The following CGNL1 variants were observed in gnomAD, a reference collection of about 807,000 sequenced individuals.
CGNL1 encodes the protein cingulin-like protein 1.
In CGNL1, 132 loss-of-function variants were observed where a neutral mutation model predicts 141.2. The ratio of observed to expected loss-of-function variants is 0.93; its 90% CI spans 0.81 to 1.08. The LOEUF (loss-of-function observed/expected upper bound fraction) is 1.08. CGNL1 is among the 50% of genes least tolerant of loss of function. CGNL1 has a pLI of 0.00. For synonymous variants in CGNL1, 690 were observed against 622.1 expected (o/e 1.11, Z -1.63); for missense variants, 1,870 against 1,588.6 (o/e 1.18, Z -3.01).
At chr15:57,468,830 C>G (rs538541089) in intron 8 of CGNL1, among the ~76,000 whole-genome samples, 2 of 152,274 alleles carry the variant, frequency 1.3e-5, no homozygotes, top group East Asian at 3.9e-4. Context: ...CCATACTGTT[C>G]TCATGGTAGT....
intron 1 of CGNL1, among the ~76,000 whole-genome samples, chr15:57,403,801 G>A (rs1408554672): frequency 2.6e-5 from 4 of 152,194 alleles, no homozygotes; most frequent in South Asian, 2.1e-4. Context: ...TTTAATGGCC[G>A]TGTCTAGAGA....
chr15:57,388,610 T>C (rs1316367681), intron 1 of CGNL1, among the ~76,000 whole-genome samples: 1 of 152,264 alleles, frequency 6.6e-6, no homozygotes, highest in Non-Finnish European at 1.5e-5. Flanking sequence ...GTTAGAATCA[T>C]AGAAATGCTT....
chr15:57,494,716 T>A (rs185466686), intron 8 of CGNL1, among the ~76,000 whole-genome samples: 7 of 152,332 alleles, frequency 4.6e-5, no homozygotes, highest in Admixed American at 4.6e-4. Context: ...ATTATGGCTT[T>A]CTGTTCATTC....
chr15:57,447,285 T>C (rs140263903), intron 4 of CGNL1, among the ~76,000 whole-genome samples: 5 of 152,370 alleles, frequency 3.3e-5, no homozygotes, highest in Middle Eastern at 3.4e-3. Flanking sequence ...CTTCTGTGTT[T>C]CCATCTCGGA....
At position 57,439,342 on chromosome 15, in the gene CGNL1, A is replaced by G; in HGVS notation, c.1343A>G (p.Gln448Arg). 4 of 1,614,154 alleles carry G rather than the reference A, an allele frequency of 2.5e-6. No individual in the cohort carries two copies. Among genetic ancestry groups the G allele is most frequent in the Non-Finnish European group, 2.5e-6 (3 of 1,180,040 alleles). The change falls in exon 2 of 19, where the codon CAG becomes CGG. Residue 448 changes from glutamine to arginine, a missense_variant. By Grantham distance (43) the Gln-to-Arg change is conservative (BLOSUM62 1). Transcript: ENST00000281282. ...QSVGRTFAKLQGAAHGASCAH... is the reference protein window; with the variant it reads ...QSVGRTFAKLRGAAHGASCAH... ...GTGGGCCGCACCTTTGCAAAGCTGC[A>G]GGGAGCAGCGCACGGGGCTTCATGT...
intron 7 of CGNL1, among the ~76,000 whole-genome samples, chr15:57,454,435 C>CT (rs1471357199): frequency 1.3e-5 from 2 of 152,200 alleles, no homozygotes; most frequent in African/African-American, 4.8e-5. Flanking sequence ...TCTGAAGTCC[C>CT]TGGAACACTC....
rs2033023708 is a variant in CGNL1 at position 57,549,606 on chromosome 15, A to T, written c.*2116A>T. 1 of 152,160 alleles carries T rather than the reference A, an allele frequency of 6.6e-6. No individual in the cohort carries two copies. Among genetic ancestry groups the T allele is most frequent in the African/African-American group, 2.4e-5 (1 of 41,408 alleles). 9.4% of individuals were successfully genotyped at this position (152,160 alleles called of 1,614,324 possible). A position where few individuals can be genotyped will look rare whatever the true frequency, so the allele number is the denominator to read the frequency against. On this transcript the variant is annotated 3_prime_UTR_variant, in exon 19 of 19. Coordinates refer to ENST00000281282, the MANE Select transcript of CGNL1 (RefSeq NM_032866.5). ...CCTCCCTTTAGTCATTCATTCATTT[A>T]GCACATATTTATTGGGCATCGGTGA...
chr15:57,464,961 AG>A (rs1354115581), intron 8 of CGNL1, among the ~76,000 whole-genome samples: 1 of 152,004 alleles, frequency 6.6e-6, no homozygotes, highest in African/African-American at 2.4e-5. Flanking sequence ...CGTGTTGACC[AG>A]GCTGGTCTCG....
chr15:57,449,209 T>C (rs1382126504), intron 4 of CGNL1, among the ~76,000 whole-genome samples: 4 of 152,198 alleles, frequency 2.6e-5, no homozygotes, highest in Non-Finnish European at 4.4e-5. Context: ...TCTGCTCATA[T>C]ACAGCTTAGG....
intron 14 of CGNL1, among the ~76,000 whole-genome samples, chr15:57,536,337 C>A (rs1269670588): frequency 6.6e-6 from 1 of 152,128 alleles, no homozygotes; most frequent in Non-Finnish European, 1.5e-5. Context: ...ATATCACAGC[C>A]TTTCTAAGGG....
chr15:57,479,418 C>G (rs2063697219), intron 8 of CGNL1, among the ~76,000 whole-genome samples: 1 of 151,996 alleles, frequency 6.6e-6, no homozygotes, highest in South Asian at 2.1e-4. Context: ...AATCCTAGCA[C>G]TTTGGGAGGC....
intron 1 of CGNL1, among the ~76,000 whole-genome samples, chr15:57,385,309 C>T (rs564001198): frequency 3.3e-5 from 5 of 152,250 alleles, no homozygotes; most frequent in South Asian, 2.1e-4. Context: ...TGAGGCAGGC[C>T]GATCAGTTGG....
rs142290839 is a variant in CGNL1, at chr15:57,472,398, G to A, written c.2403+10506G>A. Among the ~76,000 whole-genome samples, 1,211 of 152,248 alleles carry A rather than the reference G, an allele frequency of 8.0e-3. 6 individuals carry two copies. Among genetic ancestry groups the A allele is most frequent in the South Asian group, 0.02 (95 of 4,822 alleles). ...CTCATGCAGCCTGTATGGAGCATCCGAAGGACAGATTTTTAGAGAGAGAGA... is the reference window on the plus strand; with the variant it reads ...CTCATGCAGCCTGTATGGAGCATCCAAAGGACAGATTTTTAGAGAGAGAGA... On this transcript the variant is annotated intron_variant, in intron 8 of 18. Coordinates refer to ENST00000281282, the MANE Select transcript of CGNL1 (RefSeq NM_032866.5).
intron 1 of CGNL1, among the ~76,000 whole-genome samples, chr15:57,413,189 C>T (rs1227574473): frequency 6.7e-5 from 6 of 89,886 alleles, no homozygotes; most frequent in Non-Finnish European, 1.0e-4. Context: ...TTCTTTCTCT[C>T]TTTCTCTTTC....
chr15:57,397,735 T>G (rs557370593), intron 1 of CGNL1, among the ~76,000 whole-genome samples: 15 of 152,226 alleles, frequency 9.9e-5, no homozygotes, highest in African/African-American at 3.4e-4. Flanking sequence ...TCATTACTAT[T>G]TTATTATTGT....
intron 14 of CGNL1, among the ~76,000 whole-genome samples, chr15:57,533,393 C>T (rs1393537988): frequency 6.6e-6 from 1 of 152,174 alleles, no homozygotes; most frequent in Non-Finnish European, 1.5e-5. Flanking sequence ...TAAGTTCTCT[C>T]ACTGGAATAA....
chr15:57,518,836 G>A (rs576955429), intron 10 of CGNL1, among the ~76,000 whole-genome samples: 56 of 152,348 alleles, frequency 3.7e-4, no homozygotes, highest in Middle Eastern at 6.8e-3. Flanking sequence ...TCAGTAATGC[G>A]AAGGCGGAGA....
At chr15:57,485,996 G>T (rs949213775) in intron 8 of CGNL1, among the ~76,000 whole-genome samples, 11 of 152,192 alleles carry the variant, frequency 7.2e-5, no homozygotes, top group Admixed American at 6.5e-4. Context: ...CAGCAAACCA[G>T]TCAAGGGCCA....
chr15:57,469,998 C>T (rs1162908922), intron 8 of CGNL1, among the ~76,000 whole-genome samples: 1 of 152,162 alleles, frequency 6.6e-6, no homozygotes, highest in African/African-American at 2.4e-5. Flanking sequence ...CTGTCTTCTC[C>T]AAGGGAGCCA....
Sources: gnomAD v4.1 joint callset for allele counts (sites outside exome capture counted in the v4.1 genomes callset) on GRCh38, gnomAD v4.1.1 for gene constraint, MANE v1.5 for transcripts, NCBI Gene and HGNC (gene_info 2026-07-23, HGNC 2026-07-21) for gene names.